The following DCDC1 variants were observed in gnomAD, a reference collection of about 807,000 sequenced individuals.
DCDC1 encodes doublecortin domain containing 1, also known as doublecortin domain-containing protein 1.
DCDC1 carries 200 observed loss-of-function variants against 178.3 expected under a neutral mutation model. The observed-to-expected ratio is 1.12, with a 90% CI of 1.00 to 1.26. The LOEUF (loss-of-function observed/expected upper bound fraction) is 1.26, where lower values mean the gene tolerates loss of function less well. Ranked by LOEUF, DCDC1 falls within the 50% of genes most tolerant of loss-of-function variation. The probability of loss-of-function intolerance (pLI) is 0.00; values close to 1 mark genes in which losing one functional copy is unlikely to be tolerated. For synonymous variants in DCDC1, 690 were observed against 604.8 expected, an observed-to-expected ratio of 1.14 and a Z score of -2.07; for missense variants, 1,983 against 1,749.2, an observed-to-expected ratio of 1.13 and a Z score of -2.38.
chr11:31,081,998 A>T (rs1957203601), intron 17 of DCDC1, among the ~76,000 whole-genome samples: 1 of 152,228 alleles, frequency 6.6e-6, no homozygotes, highest in Non-Finnish European at 1.5e-5. Context: ...TCAAATTTAG[A>T]TCCAACATAC....
At chr11:30,903,978 G>A (rs989492157) in intron 31 of DCDC1, 10 of 204,512 alleles carry the variant, frequency 4.9e-5, no homozygotes, top group Middle Eastern at 1.7e-3. Flanking sequence ...TCTAAGAATT[G>A]TTCAACTTAA....
At chr11:31,339,984 G>A in intron 1 of DCDC1, among the ~76,000 whole-genome samples, 1 of 151,856 alleles carries the variant, frequency 6.6e-6, no homozygotes. Context: ...TTTACTCTTT[G>A]ATGCTTTTTA....
chr11:31,186,467 A>G (rs1217902552), intron 9 of DCDC1, among the ~76,000 whole-genome samples: 3 of 152,180 alleles, frequency 2.0e-5, no homozygotes, highest in African/African-American at 7.2e-5. Context: ...CATGAGGCCT[A>G]CCTACCTCTG....
intron 28 of DCDC1, among the ~76,000 whole-genome samples, chr11:30,910,206 T>C (rs1032756891): frequency 2.6e-5 from 4 of 152,190 alleles, no homozygotes; most frequent in Non-Finnish European, 4.4e-5. Context: ...TCTTGAAAGG[T>C]AATCCAAATT....
intron 38 of DCDC1, among the ~76,000 whole-genome samples, chr11:30,873,144 G>A (rs967668412): frequency 4.0e-5 from 6 of 149,364 alleles, no homozygotes; most frequent in South Asian, 2.1e-4. Flanking sequence ...ATATACACAC[G>A]CACAGTTTTA....
chr11:31,023,859 T>C (rs1251308087), intron 20 of DCDC1, among the ~76,000 whole-genome samples: 1 of 152,074 alleles, frequency 6.6e-6, no homozygotes, highest in Admixed American at 6.6e-5. Context: ...TTTAAAATTA[T>C]CCACCAAATG....
At chr11:31,280,058 T>C (rs939787461) in intron 7 of DCDC1, among the ~76,000 whole-genome samples, 5 of 152,122 alleles carry the variant, frequency 3.3e-5, no homozygotes, top group African/African-American at 1.2e-4. Flanking sequence ...AGATCATCTA[T>C]AAAATGTGAG....
chr11:31,175,026 A>G (rs952208734), intron 9 of DCDC1, among the ~76,000 whole-genome samples: 3 of 152,138 alleles, frequency 2.0e-5, no homozygotes. Context: ...ACCAAATTGC[A>G]GTCGACAAGA....
intron 3 of DCDC1, among the ~76,000 whole-genome samples, chr11:31,312,479 G>A (rs903400892): frequency 1.3e-5 from 2 of 152,192 alleles, no homozygotes; most frequent in African/African-American, 2.4e-5. Context: ...GTGTGTCTGT[G>A]AGGATGTTTC....
intron 20 of DCDC1, among the ~76,000 whole-genome samples, chr11:30,995,402 C>A (rs933436664): frequency 2.0e-5 from 3 of 152,014 alleles, no homozygotes; most frequent in Non-Finnish European, 4.4e-5. Flanking sequence ...TAGATTTCGA[C>A]AAGCTGGTTC....
intron 1 of DCDC1, among the ~76,000 whole-genome samples, chr11:31,363,022 T>A (rs918659516): frequency 2.0e-5 from 3 of 152,176 alleles, no homozygotes; most frequent in African/African-American, 7.2e-5. Flanking sequence ...ATTTTTACTT[T>A]CATATCTCTT....
intron 23 of DCDC1, among the ~76,000 whole-genome samples, chr11:30,923,465 A>T (rs1946390407): frequency 1.5e-5 from 2 of 137,252 alleles, no homozygotes; most frequent in Non-Finnish European, 3.1e-5. Context: ...ATATTTCTTT[A>T]AAGATGAGAA....
intron 20 of DCDC1, among the ~76,000 whole-genome samples, chr11:31,047,154 T>C (rs1954892849): frequency 6.6e-6 from 1 of 152,192 alleles, no homozygotes; most frequent in African/African-American, 2.4e-5. Context: ...TTCTATCTGT[T>C]GTTCATTGTC....
intron 7 of DCDC1, among the ~76,000 whole-genome samples, chr11:31,275,059 G>A (rs1490069943): frequency 6.6e-6 from 1 of 152,026 alleles, no homozygotes; most frequent in Non-Finnish European, 1.5e-5. Context: ...CAAGGCCATG[G>A]TTGGTTTTGC....
chr11:31,264,332 T>C (rs187314709), intron 8 of DCDC1, among the ~76,000 whole-genome samples: 15 of 152,204 alleles, frequency 9.9e-5, no homozygotes, highest in African/African-American at 3.6e-4. Context: ...GAAGGGTGCA[T>C]ACATACAAAA....
rs948079561 is a variant in DCDC1, at chr11:31,052,923, G to T, written c.2591+11546C>A. On this transcript the variant is annotated intron_variant, in intron 20 of 38. Transcript: ENST00000684477. ...AAACAATCTAAGGTCACACCTCAAG[G>T]AACTAGAGAAACAAGAACAAACCAA... Among the ~76,000 whole-genome samples, 4 of 152,004 alleles carry T rather than the reference G, an allele frequency of 2.6e-5. No homozygotes were observed. In the East Asian group the frequency reaches 7.7e-4, roughly 29 times the overall value.
intron 20 of DCDC1, among the ~76,000 whole-genome samples, chr11:31,012,403 C>G (rs1320864162): frequency 6.6e-6 from 1 of 151,890 alleles, no homozygotes; most frequent in Non-Finnish European, 1.5e-5. Context: ...GAGTTAGAGA[C>G]CAGCCTGGGT....
intron 20 of DCDC1, among the ~76,000 whole-genome samples, chr11:31,035,032 T>G (rs1953933844): frequency 6.6e-6 from 1 of 152,232 alleles, no homozygotes; most frequent in African/African-American, 2.4e-5. Context: ...AGGTGAGAGC[T>G]GTTCAGCAGA....
chr11:31,086,219 T>C (rs12287521), intron 17 of DCDC1, among the ~76,000 whole-genome samples: 2,330 of 152,308 alleles, frequency 0.015, 52 homozygotes, highest in African/African-American at 0.053. Context: ...CAACGACTTA[T>C]GAGAGTTCTA....
Sources: allele counts gnomAD v4.1 joint callset (sites outside exome capture counted in the v4.1 genomes callset), GRCh38; gene constraint gnomAD v4.1.1; transcripts MANE v1.5; gene names NCBI Gene and HGNC (gene_info 2026-07-23, HGNC 2026-07-21).